Variants in ROBO2 observed in about 807,000 individuals in gnomAD.
ROBO2 encodes the protein roundabout guidance receptor 2.
Under a neutral mutation model 160.8 loss-of-function variants are expected in ROBO2, and 53 were observed. That is an observed-to-expected ratio of 0.33 (90% CI 0.26 to 0.41). The LOEUF is 0.41. Ranked by LOEUF, ROBO2 falls within the 10% of genes least tolerant of loss-of-function variation. The pLI is 1.00. For missense variants in ROBO2, 1,577 were observed against 1,722.4 expected (o/e 0.92, Z 1.49); for synonymous variants, 664 against 611.7 (o/e 1.09, Z -1.26).
At chr3:76,136,264 A>C (rs1356559383) in intron 2 of ROBO2, among the ~76,000 whole-genome samples, 1 of 152,064 alleles carries the variant, frequency 6.6e-6, no homozygotes, top group African/African-American at 2.4e-5. Context: ...GCTGTAAGAA[A>C]AAATTCAATC....
chr3:77,370,129 A>G (rs2071520268), intron 2 of ROBO2, among the ~76,000 whole-genome samples: 1 of 152,196 alleles, frequency 6.6e-6, no homozygotes, highest in Non-Finnish European at 1.5e-5. Flanking sequence ...CAAAAGTGTG[A>G]TGGTTTGAAA....
intron 2 of ROBO2, among the ~76,000 whole-genome samples, chr3:77,012,847 G>A (rs1468699667): frequency 6.6e-6 from 1 of 152,110 alleles, no homozygotes; most frequent in East Asian, 1.9e-4. Flanking sequence ...ACCTTTTGTG[G>A]CATCTTACTA....
chr3:76,224,470 G>A (rs1414368902), intron 2 of ROBO2, among the ~76,000 whole-genome samples: 5 of 152,114 alleles, frequency 3.3e-5, no homozygotes, highest in Non-Finnish European at 7.3e-5. Context: ...CCACAATTAT[G>A]TTCTCTTTGG....
In ROBO2 at chr3:76,958,452, C is replaced by G. The variant is rs138761605; in HGVS notation, c.110-139562C>G. 5.4e-4 allele frequency among the ~76,000 whole-genome samples: 83 copies of G among 152,338 alleles called. 1 individual carries two copies. Among genetic ancestry groups the G allele is most frequent in the Admixed American group, 4.1e-3 (63 of 15,302 alleles). ...CACTGAATGTACACATTTAAAATCC[C>G]CAATTGCAATGATGTAACTTTGCTG... is the stretch of plus-strand genomic sequence containing the variant. On this transcript the variant is annotated intron_variant, in intron 2 of 26. Coordinates refer to the ROBO2 transcript ENST00000487694.
At chr3:77,495,481 G>A (rs1203168265) in intron 5 of ROBO2, among the ~76,000 whole-genome samples, 1 of 152,098 alleles carries the variant, frequency 6.6e-6, no homozygotes, top group Non-Finnish European at 1.5e-5. Context: ...TCTACTCCAA[G>A]TCCAGTTCAG....
chr3:76,034,095 G>A (rs1329678541), intron 2 of ROBO2, among the ~76,000 whole-genome samples: 1 of 152,174 alleles, frequency 6.6e-6, no homozygotes, highest in East Asian at 1.9e-4. Context: ...AAGGGGCATA[G>A]GCATGAGCAT....
chr3:76,680,047 G>A (rs1328617203), intron 2 of ROBO2, among the ~76,000 whole-genome samples: 1 of 152,020 alleles, frequency 6.6e-6, no homozygotes, highest in African/African-American at 2.4e-5. Context: ...GCTGTGTGCA[G>A]GTAATTAAAG....
intron 2 of ROBO2, among the ~76,000 whole-genome samples, chr3:76,328,798 G>A (rs2073235141): frequency 6.6e-6 from 1 of 151,764 alleles, no homozygotes; most frequent in South Asian, 2.1e-4. Flanking sequence ...GGCGGACCTT[G>A]CAGTGAGCCG....
intron 2 of ROBO2, among the ~76,000 whole-genome samples, chr3:76,882,257 T>G (rs985730664): frequency 1.3e-5 from 2 of 152,132 alleles, no homozygotes; most frequent in Non-Finnish European, 2.9e-5. Flanking sequence ...TGTTTCAAGA[T>G]GTAAAATCCA....
chr3:76,398,993 A>G (rs6772368), intron 2 of ROBO2, among the ~76,000 whole-genome samples: 1 of 151,624 alleles, frequency 6.6e-6, no homozygotes, highest in Non-Finnish European at 1.5e-5. Context: ...CACACAAATA[A>G]TACTTGACAT....
At chr3:77,452,041 T>G (rs1224076305) in intron 2 of ROBO2, among the ~76,000 whole-genome samples, 1 of 152,164 alleles carries the variant, frequency 6.6e-6, no homozygotes, top group Admixed American at 6.6e-5. Flanking sequence ...GTCCTTGGGA[T>G]AGTTTACTGA....
At chr3:76,637,999 A>G (rs17014473) in intron 2 of ROBO2, among the ~76,000 whole-genome samples, 7,511 of 152,250 alleles carry the variant, frequency 0.049, 597 homozygotes, top group African/African-American at 0.16. Context: ...GCATTTTCTT[A>G]TAGTATTAAG....
chr3:76,678,679 G>C (rs1351049040), intron 2 of ROBO2, among the ~76,000 whole-genome samples: 1 of 152,052 alleles, frequency 6.6e-6, no homozygotes, highest in Admixed American at 6.6e-5. Flanking sequence ...GTAACTTTTA[G>C]TGGATGTCAG....
chr3:77,510,356 G>C (rs1181548968), intron 5 of ROBO2, among the ~76,000 whole-genome samples: 1 of 151,964 alleles, frequency 6.6e-6, no homozygotes, highest in Non-Finnish European at 1.5e-5. Context: ...AGATACAAAG[G>C]GTTGATAGAC....
intron 5 of ROBO2, among the ~76,000 whole-genome samples, chr3:77,504,818 A>G (rs1419391942): frequency 6.6e-6 from 1 of 152,202 alleles, no homozygotes; most frequent in East Asian, 1.9e-4. Context: ...AATAAGGTGA[A>G]CTATATACAA....
intron 2 of ROBO2, among the ~76,000 whole-genome samples, chr3:76,150,655 C>T (rs951974333): frequency 6.6e-6 from 1 of 152,172 alleles, no homozygotes; most frequent in Non-Finnish European, 1.5e-5. Flanking sequence ...TTAATATTCA[C>T]TCAAATATCA....
intron 2 of ROBO2, among the ~76,000 whole-genome samples, chr3:76,330,472 A>T (rs1267549898): frequency 1.3e-5 from 2 of 152,212 alleles, no homozygotes; most frequent in African/African-American, 4.8e-5. Flanking sequence ...AGAATGACAT[A>T]ATACTTAGTT....
chr3:76,324,889 G>A (rs1429916095), intron 2 of ROBO2, among the ~76,000 whole-genome samples: 1 of 152,136 alleles, frequency 6.6e-6, no homozygotes, highest in Non-Finnish European at 1.5e-5. Context: ...GGCAGATCAC[G>A]AAGTCAGGAG....
intron 2 of ROBO2, among the ~76,000 whole-genome samples, chr3:76,043,739 A>C (rs1387120830): frequency 6.6e-6 from 1 of 151,886 alleles, no homozygotes; most frequent in Non-Finnish European, 1.5e-5. Context: ...GCCTTCCAGA[A>C]GCACTTATCT....
Sources: allele counts gnomAD v4.1 joint callset (sites outside exome capture counted in the v4.1 genomes callset), GRCh38; gene constraint gnomAD v4.1.1; transcripts MANE v1.5; gene names NCBI Gene and HGNC (gene_info 2026-07-23, HGNC 2026-07-21).